The following DCDC2C variants were observed in gnomAD, a reference collection of about 807,000 sequenced individuals.
The protein encoded by DCDC2C is doublecortin domain-containing protein 2C.
DCDC2C carries 44 observed loss-of-function variants against 45.0 expected under a neutral mutation model. The observed-to-expected ratio is 0.98, with a 90% CI of 0.77 to 1.26. DCDC2C has a LOEUF of 1.26. Ranked by LOEUF, DCDC2C falls within the 50% of genes most tolerant of loss-of-function variation. The pLI, the probability that DCDC2C is intolerant of heterozygous loss-of-function variation, is 0.00. For missense variants in DCDC2C, 447 were observed against 468.9 expected (o/e 0.95, Z 0.43); for synonymous variants, 187 against 178.8 (o/e 1.05, Z -0.37).
chr2:3,726,937 CTGT>C, intron 2 of DCDC2C, 63 bp from the exon 3 acceptor site: 4 of 1,394,686 alleles, frequency 2.9e-6, no homozygotes, highest in Non-Finnish European at 4.0e-6. Context: ...GCTGTGCACA[CTGT>C]TGAGTTTGAT....
intron 3 of DCDC2C, among the ~76,000 whole-genome samples, chr2:3,733,645 T>C (rs560588848): frequency 6.6e-6 from 1 of 152,358 alleles, no homozygotes; most frequent in Non-Finnish European, 1.5e-5. Flanking sequence ...AGTTGTGCCT[T>C]CTTGCTGTGT....
intron 3 of DCDC2C, among the ~76,000 whole-genome samples, chr2:3,730,662 A>G (rs13410943): frequency 0.022 from 3,318 of 152,236 alleles, 125 homozygotes; most frequent in African/African-American, 0.075. Context: ...CAGCTGCTTA[A>G]TTGATCACAG....
chr2:3,753,483 G>C (rs557672956), intron 5 of DCDC2C, among the ~76,000 whole-genome samples: 3 of 152,292 alleles, frequency 2.0e-5, no homozygotes, highest in African/African-American at 7.2e-5. Context: ...TAGCCCTGAC[G>C]GGTGTGTTTG....
At chr2:3,729,540 A>G (rs921706593) in intron 3 of DCDC2C, among the ~76,000 whole-genome samples, 2 of 152,170 alleles carry the variant, frequency 1.3e-5, no homozygotes, top group Non-Finnish European at 2.9e-5. Context: ...AGAAGTGGAA[A>G]AGTACAAAGA....
chr2:3,771,362 A>G (rs1401149152), intron 8 of DCDC2C, among the ~76,000 whole-genome samples: 2 of 152,194 alleles, frequency 1.3e-5, no homozygotes. Flanking sequence ...CACTTAATCA[A>G]CAGAGGCAAG....
intron 10 of DCDC2C, among the ~76,000 whole-genome samples, chr2:3,834,615 T>C (rs1482560939): frequency 6.6e-6 from 1 of 152,228 alleles, no homozygotes; most frequent in Non-Finnish European, 1.5e-5. Context: ...GAGGTTGGCA[T>C]CATTGTGAGC....
chr2:3,724,822 G>A (rs1013518924), intron 2 of DCDC2C, among the ~76,000 whole-genome samples: 1 of 152,156 alleles, frequency 6.6e-6, no homozygotes, highest in African/African-American at 2.4e-5. Flanking sequence ...TGGGCAAGTG[G>A]GTAGGCAGCA....
At chr2:3,828,358 C>T (rs1671876848) in intron 10 of DCDC2C, among the ~76,000 whole-genome samples, 1 of 152,126 alleles carries the variant, frequency 6.6e-6, no homozygotes, top group South Asian at 2.1e-4. Context: ...GGGCGGGTGC[C>T]GCTCACCCGG....
At chr2:3,750,597 G>A (rs916200683) in intron 4 of DCDC2C, among the ~76,000 whole-genome samples, 4 of 152,018 alleles carry the variant, frequency 2.6e-5, no homozygotes, top group South Asian at 2.1e-4. Context: ...GAAAGGCCCC[G>A]GTTGGTCCTG....
At chr2:3,755,282 T>A (rs754229911) in intron 6 of DCDC2C, among the ~76,000 whole-genome samples, 1 of 151,556 alleles carries the variant, frequency 6.6e-6, no homozygotes, top group Non-Finnish European at 1.5e-5. Context: ...GATGCATGTG[T>A]ATGTGGATGC....
At chr2:3,718,408 T>A (rs1668402131) in intron 2 of DCDC2C, among the ~76,000 whole-genome samples, 1 of 152,110 alleles carries the variant, frequency 6.6e-6, no homozygotes, top group South Asian at 2.1e-4. Flanking sequence ...ATGGAGAGCA[T>A]CAGTTCTCCT....
rs1256209919 is a variant in DCDC2C at position 3,834,433 on chromosome 2, C to A, written c.1066-12721C>A. Among the ~76,000 whole-genome samples, 3 of 152,180 alleles carry A rather than the reference C, an allele frequency of 2.0e-5. No homozygotes were observed. The East Asian group carries it at 5.8e-4, about 29-fold the overall frequency. ...CATGGTTTCACCGGTTCCAGAATGT[C>A]ATAGAGTTGGAATCATACAGTGTGT... On this transcript the variant is annotated intron_variant, in intron 10 of 10. Coordinates refer to ENST00000399143, the MANE Select transcript of DCDC2C (RefSeq NM_001287444.2).
chr2:3,767,857 A>G lies in DCDC2C; in HGVS notation c.830A>G (p.Glu277Gly). 1 of 1,540,702 alleles carries G rather than the reference A, an allele frequency of 6.5e-7. No homozygotes were observed. The highest frequency in any genetic ancestry group is 8.7e-7 in the Non-Finnish European group (1 of 1,143,536). The stretch of plus-strand genomic sequence containing the variant: ...GAAGAAAAGAAGAAAACATTGGCAG[A>G]ACCTTTAGTCCAAAGGGGTGCAGGT... Reference protein sequence around the residue: ...AKEEKKKTLAEPLVQRGAEGD... With the variant: ...AKEEKKKTLAGPLVQRGAEGD... The change falls in exon 7 of 11, where the codon GAA becomes GGA. Residue 277 changes from glutamate (E) to glycine (G), a missense_variant. By Grantham distance (98) the Glu-to-Gly change is moderately conservative. Coordinates refer to ENST00000399143, the MANE Select transcript of DCDC2C (RefSeq NM_001287444.2).
chr2:3,746,191 G>T (rs950813176), intron 4 of DCDC2C, among the ~76,000 whole-genome samples: 3 of 152,200 alleles, frequency 2.0e-5, no homozygotes, highest in African/African-American at 7.2e-5. Context: ...GCTACGGTGA[G>T]GGCAGCATGT....
intron 10 of DCDC2C, among the ~76,000 whole-genome samples, chr2:3,812,834 T>A (rs1389207175): frequency 6.6e-6 from 1 of 152,054 alleles, no homozygotes; most frequent in Non-Finnish European, 1.5e-5. Context: ...ATTTCATTAT[T>A]TGCCCAGGAG....
intron 6 of DCDC2C, among the ~76,000 whole-genome samples, chr2:3,760,989 C>T (rs1306762967): frequency 1.3e-5 from 2 of 152,148 alleles, no homozygotes; most frequent in Non-Finnish European, 2.9e-5. Context: ...AATATTTGAG[C>T]ATTGGAAAAT....
intron 3 of DCDC2C, among the ~76,000 whole-genome samples, chr2:3,729,655 G>A (rs1668802884): frequency 6.6e-6 from 1 of 152,222 alleles, no homozygotes; most frequent in Admixed American, 6.5e-5. Flanking sequence ...TGTCCTGCCT[G>A]ATGCTTGCAG....
chr2:3,838,389 C>A (rs993153642), intron 10 of DCDC2C, among the ~76,000 whole-genome samples: 1 of 151,728 alleles, frequency 6.6e-6, no homozygotes, highest in African/African-American at 2.4e-5. Context: ...GAGGCCAAGG[C>A]ACTGAGAAAC....
chr2:3,707,567 T>A (rs1173211013), intron 1 of DCDC2C, among the ~76,000 whole-genome samples: 1 of 152,242 alleles, frequency 6.6e-6, no homozygotes, highest in African/African-American at 2.4e-5. Context: ...GGAGAACTCA[T>A]GTAATAATAT....
Sources: gnomAD v4.1 joint callset for allele counts (sites outside exome capture counted in the v4.1 genomes callset) on GRCh38, gnomAD v4.1.1 for gene constraint, MANE v1.5 for transcripts, NCBI Gene and HGNC (gene_info 2026-07-23, HGNC 2026-07-21) for gene names.